UNC5D: variants seen among roughly 807,000 people sequenced by gnomAD.
The protein encoded by UNC5D is unc-5 netrin receptor D.
Under a neutral mutation model 105.4 loss-of-function variants are expected in UNC5D, and 39 were observed. The observed-to-expected ratio is 0.37, with a 90% CI of 0.29 to 0.48. The LOEUF (loss-of-function observed/expected upper bound fraction) is 0.48. Ranked by LOEUF, UNC5D falls within the 20% of genes least tolerant of loss-of-function variation. UNC5D has a pLI of 0.98. For synonymous variants in UNC5D, 452 were observed against 450.4 expected (o/e 1.00, Z -0.04); for missense variants, 991 against 1,202.4 (o/e 0.82, Z 2.60).
chr8:35,433,040 CA>C (rs1003180558), intron 1 of UNC5D, among the ~76,000 whole-genome samples: 3 of 152,100 alleles, frequency 2.0e-5, no homozygotes, highest in African/African-American at 4.8e-5. Flanking sequence ...AAAGTGTTGG[CA>C]CTTAACTTTT....
At chr8:35,661,588 C>T (rs182198170) in intron 4 of UNC5D, among the ~76,000 whole-genome samples, 5 of 152,150 alleles carry the variant, frequency 3.3e-5, no homozygotes, top group Admixed American at 6.5e-5. Flanking sequence ...GACTTTTCTA[C>T]GTTGATCCTT....
At chr8:35,786,831 A>G (rs1802767196) in intron 16 of UNC5D, among the ~76,000 whole-genome samples, 1 of 152,206 alleles carries the variant, frequency 6.6e-6, no homozygotes, top group African/African-American at 2.4e-5. Context: ...GAGCGAGGTC[A>G]GCATGGTGGC....
intron 1 of UNC5D, among the ~76,000 whole-genome samples, chr8:35,418,864 C>T (rs1300551103): frequency 6.6e-6 from 1 of 152,164 alleles, no homozygotes; most frequent in African/African-American, 2.4e-5. Flanking sequence ...AGTCAGTAAA[C>T]TGTTTTCAAG....
At chr8:35,487,593 A>ACACACACACACACC (rs1415748793) in intron 1 of UNC5D, among the ~76,000 whole-genome samples, 10 of 150,588 alleles carry the variant, frequency 6.6e-5, no homozygotes, top group African/African-American at 2.5e-4. Context: ...ACACACACAC[A>ACACACACACACACC]CCCCACAGAC....
chr8:35,665,957 ACTT>A (rs1002022224), intron 4 of UNC5D, among the ~76,000 whole-genome samples: 1 of 138,072 alleles, frequency 7.2e-6, no homozygotes, highest in Non-Finnish European at 1.5e-5. Flanking sequence ...ACTTGGTTAT[ACTT>A]TTTTTTTTTT....
chr8:35,402,643 G>A (rs1563382621), intron 1 of UNC5D, among the ~76,000 whole-genome samples: 2 of 152,094 alleles, frequency 1.3e-5, no homozygotes, highest in Non-Finnish European at 2.9e-5. Flanking sequence ...CACCAACTCG[G>A]TGATCAGCTT....
chr8:35,642,347 C>T (rs1344052425), intron 4 of UNC5D, among the ~76,000 whole-genome samples: 1 of 152,010 alleles, frequency 6.6e-6, no homozygotes, highest in African/African-American at 2.4e-5. Flanking sequence ...TACCTTTTTT[C>T]TTTGCCCATA....
At chr8:35,602,408 G>A (rs957463105) in intron 4 of UNC5D, among the ~76,000 whole-genome samples, 8 of 152,110 alleles carry the variant, frequency 5.3e-5, no homozygotes, top group African/African-American at 9.7e-5. Flanking sequence ...GGTAGAATTC[G>A]GCCATAAATC....
At chr8:35,312,717 A>G (rs983385807) in intron 1 of UNC5D, among the ~76,000 whole-genome samples, 1 of 152,212 alleles carries the variant, frequency 6.6e-6, no homozygotes, top group African/African-American at 2.4e-5. Context: ...CCGTCAGATC[A>G]TAGCACAGAT....
intron 7 of UNC5D, among the ~76,000 whole-genome samples, chr8:35,704,443 T>C (rs1457226627): frequency 6.6e-6 from 1 of 152,136 alleles, no homozygotes; most frequent in Non-Finnish European, 1.5e-5. Flanking sequence ...CAGATAATAT[T>C]TAAGTTCTCA....
intron 1 of UNC5D, among the ~76,000 whole-genome samples, chr8:35,236,786 G>C (rs1014617205): frequency 5.9e-5 from 9 of 152,176 alleles, no homozygotes; most frequent in African/African-American, 1.7e-4. Flanking sequence ...CACAGCTCAA[G>C]TACCGGAGCT....
intron 1 of UNC5D, among the ~76,000 whole-genome samples, chr8:35,516,729 C>G (rs577155670): frequency 6.6e-6 from 1 of 152,298 alleles, no homozygotes; most frequent in African/African-American, 2.4e-5. Context: ...CAGCACAAGC[C>G]CTACAGATAC....
At chr8:35,366,196 C>T (rs1802112233) in intron 1 of UNC5D, among the ~76,000 whole-genome samples, 1 of 151,826 alleles carries the variant, frequency 6.6e-6, no homozygotes, top group African/African-American at 2.4e-5. Context: ...TTTTCTAAAT[C>T]AGGCGTCTTG....
intron 1 of UNC5D, among the ~76,000 whole-genome samples, chr8:35,282,063 A>G (rs982290701): frequency 6.6e-6 from 1 of 152,192 alleles, no homozygotes; most frequent in Admixed American, 6.5e-5. Flanking sequence ...GCAGTTCTAA[A>G]TCTCCAAAGG....
At chr8:35,310,325 T>G (rs1343267563) in intron 1 of UNC5D, among the ~76,000 whole-genome samples, 1 of 152,130 alleles carries the variant, frequency 6.6e-6, no homozygotes, top group Non-Finnish European at 1.5e-5. Flanking sequence ...TTTCAAGAAT[T>G]TACAAGTAAT....
At chr8:35,723,068 T>C (rs1828668912) in intron 9 of UNC5D, among the ~76,000 whole-genome samples, 1 of 152,178 alleles carries the variant, frequency 6.6e-6, no homozygotes, top group Non-Finnish European at 1.5e-5. Context: ...GGATGAAACA[T>C]ACACAGCTTT....
At chr8:35,603,534 A>G (rs1040828144) in intron 4 of UNC5D, among the ~76,000 whole-genome samples, 4 of 152,042 alleles carry the variant, frequency 2.6e-5, no homozygotes, top group African/African-American at 7.2e-5. Context: ...TTTGGGGTGG[A>G]GAGTTCTGTA....
At position 35,535,560 on chromosome 8, in the gene UNC5D, T is replaced by C. The variant is rs563824140; in HGVS notation, c.104-13732T>C. Among the ~76,000 whole-genome samples, 7 of 152,092 alleles carry C rather than the reference T, an allele frequency of 4.6e-5. No individual in the cohort carries two copies. In the South Asian group the frequency reaches 1.5e-3, roughly 32 times the overall value. ...CCAAACACACTACGGCAAAGGCAGG[T>C]AGCCTTAACCTTTCAAGAGCATCCA... On this transcript the variant is annotated intron_variant, in intron 1 of 16. Coordinates refer to ENST00000404895, the MANE Select transcript of UNC5D (RefSeq NM_080872.4).
At chr8:35,574,421 T>A (rs1433852370) in intron 3 of UNC5D, among the ~76,000 whole-genome samples, 1 of 152,212 alleles carries the variant, frequency 6.6e-6, no homozygotes, top group Non-Finnish European at 1.5e-5. Context: ...ATAATTTAAA[T>A]ATGCTGCTGA....
Sources: gnomAD v4.1 joint callset for allele counts (sites outside exome capture counted in the v4.1 genomes callset) on GRCh38, gnomAD v4.1.1 for gene constraint, MANE v1.5 for transcripts, NCBI Gene and HGNC (gene_info 2026-07-23, HGNC 2026-07-21) for gene names.